PGAP1: variants seen among roughly 807,000 people sequenced by gnomAD.
The protein encoded by PGAP1 is post-GPI attachment to proteins inositol deacylase 1.
A neutral mutation model predicts 127.0 loss-of-function variants in PGAP1; 76 were observed. The ratio of observed to expected loss-of-function variants is 0.60; its 90% CI spans 0.50 to 0.72. The LOEUF is 0.72. Among genes scored for constraint, PGAP1 ranks in the 30% least tolerant of loss-of-function variants. The pLI is 0.00. For synonymous variants in PGAP1, 362 were observed against 366.5 expected (o/e 0.99, Z 0.14); for missense variants, 982 against 1,071.3 (o/e 0.92, Z 1.16).
At position 196,842,704 on chromosome 2, in the gene PGAP1, A is replaced by G. The variant is rs1700447795; in HGVS notation, c.2630+17T>C. On this transcript the variant is annotated intron_variant, in intron 26 of 26. Coordinates refer to ENST00000354764, the MANE Select transcript of PGAP1 (RefSeq NM_024989.4). ...CCAAGAACAGATATAAGAAAAAGAA[A>G]GATTAAACTACTGTACCTTGATTTT... 7.5e-7 allele frequency: 1 copy of G among 1,336,672 alleles called. No individual in the cohort carries two copies. The highest frequency in any genetic ancestry group is 1.0e-6 in the Non-Finnish European group (1 of 967,432). The allele number at this position is 1,336,672 out of a possible 1,614,324, so 82.8% of individuals were successfully genotyped here.
intron 19 of PGAP1, 50 bp from the exon 20 acceptor site, chr2:196,865,130 A>C (rs751807700): frequency 2.0e-6 from 2 of 1,023,412 alleles, no homozygotes; most frequent in African/African-American, 1.7e-5. Flanking sequence ...CATGTTAATA[A>C]GTGTACTTTC....
At position 196,839,038 on chromosome 2, in the gene PGAP1, A is replaced by G. The variant is rs576941294; in HGVS notation, c.*2196T>C. ...CAGCCTGGTGACAGCGTGAGACTCC[A>G]TCTCAAAAACAAACAAACAAACAAA... On this transcript the variant is annotated 3_prime_UTR_variant, in exon 27 of 27. Transcript: ENST00000354764. The G allele has an allele frequency of 7.8e-5, 12 of 153,006 alleles. No homozygotes were observed. The highest frequency in any genetic ancestry group is 1.3e-4 in the Non-Finnish European group (9 of 69,396). 9.5% of individuals were successfully genotyped at this position (153,006 alleles called of 1,614,324 possible).
At chr2:196,881,221 T>C (rs1701720810) in intron 12 of PGAP1, among the ~76,000 whole-genome samples, 1 of 152,226 alleles carries the variant, frequency 6.6e-6, no homozygotes, top group African/African-American at 2.4e-5. Flanking sequence ...TATGGCTGCA[T>C]AGTATTCCAT....
chr2:196,861,260 C>G (rs1000114234), intron 20 of PGAP1, among the ~76,000 whole-genome samples: 3 of 152,128 alleles, frequency 2.0e-5, no homozygotes, highest in Non-Finnish European at 4.4e-5. Flanking sequence ...CTTTGGGACA[C>G]TGGTCTGGGC....
intron 3 of PGAP1, among the ~76,000 whole-genome samples, chr2:196,915,880 A>C (rs1269038946): frequency 6.6e-6 from 1 of 152,102 alleles, no homozygotes; most frequent in Non-Finnish European, 1.5e-5. Context: ...GCAGCCCCCA[A>C]TTCCAATTCT....
chr2:196,864,984 T>TA lies in PGAP1; in HGVS notation c.1861+2dup. On this transcript the variant is annotated splice_region_variant and intron_variant, in intron 20 of 26. Transcript: ENST00000354764. Reference sequence around the variant, plus strand: ...GTAACTTAAAAATTAGAAGCATTCTTACCTGTTGAGAAAAGAGAATATAAC... The same window carrying TA: ...GTAACTTAAAAATTAGAAGCATTCTTAACCTGTTGAGAAAAGAGAATATAAC... The TA allele has an allele frequency of 6.7e-7, 1 of 1,494,376 alleles. No individual in the cohort carries two copies. Among genetic ancestry groups the TA allele is most frequent in the Non-Finnish European group, 9.0e-7 (1 of 1,113,746 alleles). The allele number at this position is 1,494,376 out of a possible 1,614,324, so 92.6% of individuals were successfully genotyped here.
intron 13 of PGAP1, among the ~76,000 whole-genome samples, chr2:196,879,714 A>G (rs1203765577): frequency 6.6e-6 from 1 of 152,094 alleles, no homozygotes; most frequent in East Asian, 1.9e-4. Context: ...AAACAAAACC[A>G]GGGTCATGTC....
intron 25 of PGAP1, 82 bp downstream of exon 25, chr2:196,843,806 C>T (rs746345824): frequency 2.4e-6 from 2 of 822,104 alleles, no homozygotes; most frequent in African/African-American, 3.5e-5. Context: ...TTTTCATTAA[C>T]CATTAGGAAT....
chr2:196,906,973 G>A (rs1389429970), intron 4 of PGAP1, among the ~76,000 whole-genome samples: 4 of 144,778 alleles, frequency 2.8e-5, no homozygotes, highest in African/African-American at 1.1e-4. Context: ...ATCTACGTCT[G>A]ATTGGTGTAC....
At chr2:196,921,521 C>A (rs1703191765) in intron 1 of PGAP1, among the ~76,000 whole-genome samples, 1 of 151,974 alleles carries the variant, frequency 6.6e-6, no homozygotes, top group Admixed American at 6.6e-5. Context: ...CATAAGAGAA[C>A]AAAGAAATAG....
chr2:196,900,842 G>T (rs2125826019), intron 5 of PGAP1, among the ~76,000 whole-genome samples: 1 of 152,306 alleles, frequency 6.6e-6, no homozygotes, highest in Admixed American at 6.5e-5. Context: ...CAGGAGAATG[G>T]TGTGAACCAG....
In PGAP1 at chr2:196,916,570, G is replaced by A; in HGVS notation, c.325C>T (p.Leu109Phe). The part of the protein sequence containing the change: ...KQVRSIGSIA[L>F]RKAEDIDFKY... ...AAGTCAATGTCCTCTGCTTTTCTAA[G>A]TGCAATGGAGCCAATAGAACGAACT... Residue 109 changes from leucine to phenylalanine, a missense_variant, in exon 3 of 27, where the codon CTT (leucine) becomes TTT (phenylalanine). Transcript: ENST00000354764. 3 of 1,611,380 alleles carry A rather than the reference G, an allele frequency of 1.9e-6. No homozygotes were observed. The highest frequency in any genetic ancestry group is 2.5e-6 in the Non-Finnish European group (3 of 1,178,938).
At position 196,891,052 on chromosome 2, in the gene PGAP1, G is replaced by C. The variant is rs1238705472; in HGVS notation, c.1090-141C>G. On this transcript the variant is annotated intron_variant, in intron 9 of 26. Transcript: ENST00000354764. ...TTGAGAACCAATTCTCTAGGAGTGGGAGAAGGAAGATACAGAAGGGCAAGA... is the reference window on the plus strand; with the variant it reads ...TTGAGAACCAATTCTCTAGGAGTGGCAGAAGGAAGATACAGAAGGGCAAGA... The C allele has an allele frequency of 1.4e-5, 8 of 554,562 alleles. No homozygotes were observed. The Admixed American group carries it at 2.4e-4, about 16-fold the overall frequency. 34.4% of individuals were successfully genotyped at this position (554,562 alleles called of 1,614,324 possible). A position where few individuals can be genotyped will look rare whatever the true frequency, so the allele number is the denominator to read the frequency against.
At chr2:196,890,434 T>A (rs1702060610) in intron 10 of PGAP1, among the ~76,000 whole-genome samples, 1 of 152,188 alleles carries the variant, frequency 6.6e-6, no homozygotes, top group African/African-American at 2.4e-5. Flanking sequence ...TACCTCAAAT[T>A]TTAGTATGTA....
chr2:196,858,187 G>T (rs1404859011), intron 20 of PGAP1, among the ~76,000 whole-genome samples: 1 of 152,060 alleles, frequency 6.6e-6, no homozygotes, highest in Non-Finnish European at 1.5e-5. Flanking sequence ...AGATCACGAG[G>T]TCAGGAGATC....
intron 1 of PGAP1, among the ~76,000 whole-genome samples, chr2:196,921,589 G>T (rs1358557810): frequency 6.6e-6 from 1 of 152,054 alleles, no homozygotes; most frequent in Non-Finnish European, 1.5e-5. Flanking sequence ...TAGCTAAACA[G>T]AGTTTGGACA....
chr2:196,897,240 CAT>C, intron 6 of PGAP1, 43 bp from the exon 7 acceptor site: 3 of 1,249,698 alleles, frequency 2.4e-6, no homozygotes, highest in Non-Finnish European at 3.4e-6. Context: ...TTTCTTAAAA[CAT>C]ATACTTTTGA....
intron 3 of PGAP1, among the ~76,000 whole-genome samples, chr2:196,913,611 A>G (rs561154994): frequency 2.0e-4 from 31 of 152,334 alleles, no homozygotes; most frequent in Non-Finnish European, 4.0e-4. Context: ...TGCTTTTCAA[A>G]AAATCTTTTG....
intron 20 of PGAP1, among the ~76,000 whole-genome samples, chr2:196,858,093 A>C (rs1459018054): frequency 6.6e-6 from 1 of 151,536 alleles, no homozygotes; most frequent in African/African-American, 2.4e-5. Context: ...AAACTCTTTA[A>C]AATTTTTTTT....
Sources: gnomAD v4.1 joint callset for allele counts (sites outside exome capture counted in the v4.1 genomes callset) on GRCh38, gnomAD v4.1.1 for gene constraint, MANE v1.5 for transcripts, NCBI Gene and HGNC (gene_info 2026-07-23, HGNC 2026-07-21) for gene names.